Variants in TUT7 observed in about 807,000 individuals in gnomAD.
TUT7 encodes the protein terminal uridylyltransferase 7.
Under a neutral mutation model 165.9 loss-of-function variants are expected in TUT7, and 33 were observed. The ratio of observed to expected loss-of-function variants is 0.20; its 90% confidence interval spans 0.15 to 0.27. The LOEUF is 0.27. TUT7 is among the 10% of genes least tolerant of loss of function. The pLI, the probability that TUT7 is intolerant of heterozygous loss-of-function variation, is 1.00. For missense variants in TUT7, 1,338 were observed against 1,762.3 expected (o/e 0.76, Z 4.31); for synonymous variants, 552 against 608.1 (o/e 0.91, Z 1.36).
chr9:86,325,785 C>T (rs1044642336), intron 11 of TUT7, among the ~76,000 whole-genome samples: 1 of 152,138 alleles, frequency 6.6e-6, no homozygotes, highest in Non-Finnish European at 1.5e-5. Context: ...AGACAGAGCT[C>T]CTAATTTTGA....
chr9:86,302,673 A>G (rs1219252693), intron 25 of TUT7, among the ~76,000 whole-genome samples: 3 of 150,128 alleles, frequency 2.0e-5, no homozygotes, highest in Non-Finnish European at 2.9e-5. Context: ...CTGGAGTGCA[A>G]TGGCGTGATT....
intron 10 of TUT7, among the ~76,000 whole-genome samples, chr9:86,333,933 CTG>C (rs1249801508): frequency 1.3e-5 from 2 of 152,212 alleles, no homozygotes; most frequent in African/African-American, 2.4e-5. Context: ...CTTGTTGCCT[CTG>C]TGTTTCCCTA....
At chr9:86,303,680 A>ACTTT (rs1827169571) in intron 24 of TUT7, among the ~76,000 whole-genome samples, 1 of 152,212 alleles carries the variant, frequency 6.6e-6, no homozygotes, top group Admixed American at 6.5e-5. Flanking sequence ...AGAACAAAGG[A>ACTTT]AAGATAATGG....
chr9:86,322,270 C>T (rs1564063887), intron 14 of TUT7, 55 bp downstream of exon 14: 5 of 1,531,486 alleles, frequency 3.3e-6, no homozygotes, highest in Admixed American at 1.7e-5. Flanking sequence ...TCTAAAGACT[C>T]GAGTAAATGT....
intron 2 of TUT7, among the ~76,000 whole-genome samples, chr9:86,348,633 G>A (rs564824786): frequency 6.4e-4 from 97 of 152,108 alleles, no homozygotes; most frequent in African/African-American, 2.0e-3. Context: ...CACTCCTGTG[G>A]TCCCAGCTAC....
At chr9:86,296,497 T>C (rs2131274279) in intron 26 of TUT7, among the ~76,000 whole-genome samples, 1 of 152,350 alleles carries the variant, frequency 6.6e-6, no homozygotes, top group East Asian at 1.9e-4. Context: ...TTCTATCTAC[T>C]GTGATCTCCT....
rs778442014 is a variant in TUT7, at chr9:86,301,325, T to C, written c.4371A>G (p.Gly1457=). The change falls in exon 26 of 27, where the codon GGA becomes GGG. Residue 1457 remains glycine, a synonymous_variant. Transcript: ENST00000375963. ...ATTCCTTTTTAATGTGCCCTTCTCTTCCACAAATAAAACAACGTTTTTCTC... is the reference window on the plus strand; with the variant it reads ...ATTCCTTTTTAATGTGCCCTTCTCTCCCACAAATAAAACAACGTTTTTCTC... ...DLREKRCFIC[G]REGHIKKECP... 1 of 1,614,158 alleles carries C rather than the reference T, an allele frequency of 6.2e-7. No individual in the cohort carries two copies. The highest frequency in any genetic ancestry group is 8.5e-7 in the Non-Finnish European group (1 of 1,180,024).
At chr9:86,305,335 A>C in intron 22 of TUT7, 96 bp from the exon 23 acceptor site, 4 of 827,260 alleles carry the variant, frequency 4.8e-6, no homozygotes, top group Non-Finnish European at 7.6e-6. Flanking sequence ...CAAGAATATC[A>C]TCTACTTTGC....
intron 5 of TUT7, 51 bp downstream of exon 5, chr9:86,344,926 T>C (rs1588009883): frequency 2.1e-6 from 3 of 1,441,680 alleles, no homozygotes; most frequent in Non-Finnish European, 2.8e-6. Flanking sequence ...GTAGGAGAAA[T>C]GAATGAGGTA....
Position 86,352,776 on chromosome 9 carries a change from A to C in TUT7, c.424T>G (p.Trp142Gly). The change falls in exon 2 of 27, where the codon TGG becomes GGG. Residue 142 changes from tryptophan (W) to glycine (G), a missense_variant. Trp to Gly is a radical substitution (Grantham distance 184). This residue lies in a region of TUT7 where 434 missense variants were observed against 480.8 expected (regional missense o/e 0.90). Coordinates refer to ENST00000375963, the MANE Select transcript of TUT7 (RefSeq NM_024617.4). ...SFQENEDGYRWQDTRGCRTVR... is the reference protein window; with the variant it reads ...SFQENEDGYRGQDTRGCRTVR... ...GTTCTGCAGCCTCTTGTGTCTTGCCACCTATAACCATCTTCATTTTCTTGA... is the reference window on the plus strand; with the variant it reads ...GTTCTGCAGCCTCTTGTGTCTTGCCCCCTATAACCATCTTCATTTTCTTGA... The C allele has an allele frequency of 6.2e-7, 1 of 1,614,126 alleles. No homozygotes were observed. The highest frequency in any genetic ancestry group is 8.5e-7 in the Non-Finnish European group (1 of 1,180,032).
chr9:86,324,062 C>G (rs1436881737), intron 12 of TUT7, 102 bp from the exon 13 acceptor site: 1 of 1,058,564 alleles, frequency 9.4e-7, no homozygotes, highest in Non-Finnish European at 1.3e-6. Flanking sequence ...AGACAACAAA[C>G]AATGGTAAAA....
At position 86,301,321 on chromosome 9, in the gene TUT7, C is replaced by T. The variant is rs757202943; in HGVS notation, c.4375G>A (p.Glu1459Lys). 3 of 1,614,174 alleles carry T rather than the reference C, an allele frequency of 1.9e-6. No homozygotes were observed. In the South Asian group the frequency reaches 3.3e-5, roughly 18 times the overall value. Residue 1459 changes from glutamate to lysine, a missense_variant, in exon 26 of 27, where the codon GAA (glutamate) becomes AAA (lysine). By Grantham distance (56) the Glu-to-Lys change is moderately conservative. This residue lies in a region of TUT7 where 167 missense variants were observed against 204.9 expected (regional missense o/e 0.82). Transcript: ENST00000375963. ...GGGCATTCCTTTTTAATGTGCCCTT[C>T]TCTTCCACAAATAAAACAACGTTTT... is the stretch of plus-strand genomic sequence containing the variant. ...REKRCFICGREGHIKKECPQF... is the reference protein window; with the variant it reads ...REKRCFICGRKGHIKKECPQF...
intron 26 of TUT7, among the ~76,000 whole-genome samples, chr9:86,289,447 T>C (rs1825749248): frequency 6.6e-6 from 1 of 152,172 alleles, no homozygotes; most frequent in Admixed American, 6.5e-5. Flanking sequence ...ATAAGTAATT[T>C]TGGAGGGGAA....
chr9:86,327,437 A>G (rs1251649741), intron 11 of TUT7, among the ~76,000 whole-genome samples: 1 of 152,202 alleles, frequency 6.6e-6, no homozygotes. Flanking sequence ...TATTATCCCC[A>G]TGAGTAGGGA....
In TUT7 at chr9:86,295,084, AAT is replaced by A. The variant is rs543776819; in HGVS notation, c.4420+6190_4420+6191del. 6.3e-3 allele frequency among the ~76,000 whole-genome samples: 966 copies of A among 152,212 alleles called. 2 individuals carry two copies. Among genetic ancestry groups the A allele is most frequent in the Non-Finnish European group, 9.5e-3 (645 of 67,980 alleles). On this transcript the variant is annotated intron_variant, in intron 26 of 26. Coordinates refer to ENST00000375963, the MANE Select transcript of TUT7 (RefSeq NM_024617.4). ...TAAGCTACTCAATAAAATATTTGAA[AAT>A]ATGTGTAATAAAAATATATCATCTC...
Position 86,294,668 on chromosome 9 carries a change from G to GA in TUT7, c.4421-5925dup, listed in dbSNP as rs1210670767. ...ACCCAAAGATATGTGAATGTATAGG[G>GA]AAAAAATCTCATCTTTCTTATTAAA... On this transcript the variant is annotated intron_variant, in intron 26 of 26. Transcript: ENST00000375963. Among the ~76,000 whole-genome samples the GA allele has an allele frequency of 2.4e-4, 36 of 151,536 alleles. 1 individual carries two copies. The highest frequency in any genetic ancestry group is 4.2e-4 in the South Asian group (2 of 4,814).
At chr9:86,302,866 C>T (rs1005412662) in intron 25 of TUT7, among the ~76,000 whole-genome samples, 1 of 152,214 alleles carries the variant, frequency 6.6e-6, no homozygotes, top group Non-Finnish European at 1.5e-5. Flanking sequence ...GCCTTGGCCT[C>T]CCAAAGTGCT....
chr9:86,323,762 T>C lies in TUT7; in HGVS notation c.1988A>G (p.Asp663Gly). The C allele has an allele frequency of 1.2e-6, 2 of 1,613,856 alleles. No individual in the cohort carries two copies. The highest frequency in any genetic ancestry group is 1.7e-6 in the Non-Finnish European group (2 of 1,179,834). The change falls in exon 13 of 27, where the codon GAT (aspartate) becomes GGT (glycine). Residue 663 changes from aspartate to glycine, a missense_variant. Asp to Gly is a moderately conservative substitution (Grantham distance 94). Around this residue, in one of 7 missense-constraint regions of TUT7, gnomAD observed 425 missense variants for 474.9 expected, o/e 0.89. Transcript: ENST00000375963. ...HSKEVINHHP[D>G]VQTKDDKLKN... ...GAGCTTATCATCTTTTGTTTGTACA[T>C]CTGGATGATGATTTATTACTTCTTT...
intron 15 of TUT7, 64 bp downstream of exon 15, chr9:86,319,520 A>G (rs1829031500): frequency 8.9e-7 from 1 of 1,128,582 alleles, no homozygotes; most frequent in African/African-American, 1.6e-5. Flanking sequence ...TGCTTGTAAC[A>G]CATGAACTGA....
Sources: allele counts gnomAD v4.1 joint callset (sites outside exome capture counted in the v4.1 genomes callset), GRCh38; gene constraint gnomAD v4.1.1; regional missense constraint gnomAD v4.1.1; transcripts MANE v1.5; gene names NCBI Gene and HGNC (gene_info 2026-07-23, HGNC 2026-07-21).